The following LAMA2 variants were observed in gnomAD, a reference collection of about 807,000 sequenced individuals.
The protein encoded by LAMA2 is laminin subunit alpha-2.
A neutral mutation model predicts 364.8 loss-of-function variants in LAMA2; 269 were observed. That is an observed-to-expected ratio of 0.74 (90% CI 0.67 to 0.82). The LOEUF is 0.82. Among genes scored for constraint, LAMA2 ranks in the 40% least tolerant of loss-of-function variants. LAMA2 has a pLI of 0.00. For missense variants in LAMA2, 3,807 were observed against 3,873.2 expected (o/e 0.98, Z 0.45); for synonymous variants, 1,379 against 1,370.6 (o/e 1.01, Z -0.14).
intron 61 of LAMA2, 49 bp from the exon 62 acceptor site, chr6:129,507,440 A>G: frequency 6.2e-7 from 1 of 1,603,234 alleles, no homozygotes; most frequent in Non-Finnish European, 8.5e-7. Flanking sequence ...ACATAAAGGC[A>G]AAGTTCTGCT....
chr6:129,122,549 A>G (rs1360995444), intron 4 of LAMA2, among the ~76,000 whole-genome samples: 1 of 152,204 alleles, frequency 6.6e-6, no homozygotes, highest in Admixed American at 6.5e-5. Context: ...AGGATTACAT[A>G]TGAAGTTTAC....
In LAMA2 at chr6:128,908,885, C is replaced by T. The variant is rs1203094296; in HGVS notation, c.112+25528C>T. ...AACATCTTTATTTCTGCCTTCATTT[C>T]GTTATGTACCCAGTAGTCATTCAGG... On this transcript the variant is annotated intron_variant, in intron 1 of 64. Coordinates refer to ENST00000421865, the MANE Select transcript of LAMA2 (RefSeq NM_000426.4). Among the ~76,000 whole-genome samples the T allele has an allele frequency of 1.8e-3, 269 of 147,908 alleles. 2 individuals are homozygous for T. Among genetic ancestry groups the T allele is most frequent in the Admixed American group, 0.014 (206 of 15,048 alleles).
intron 1 of LAMA2, among the ~76,000 whole-genome samples, chr6:129,040,288 A>G (rs986886449): frequency 6.6e-6 from 1 of 152,246 alleles, no homozygotes; most frequent in Non-Finnish European, 1.5e-5. Context: ...AATAATGGAG[A>G]TGAGTATGTG....
intron 54 of LAMA2, 72 bp downstream of exon 54, chr6:129,478,885 C>A (rs1562601274): frequency 7.7e-7 from 1 of 1,305,940 alleles, no homozygotes; most frequent in Non-Finnish European, 1.1e-6. Context: ...GCTGCTCCTA[C>A]AAGGATCAGT....
chr6:128,983,550 T>C (rs1002329732), intron 1 of LAMA2, among the ~76,000 whole-genome samples: 4 of 152,166 alleles, frequency 2.6e-5, no homozygotes, highest in African/African-American at 9.7e-5. Context: ...GTATTCTAGA[T>C]GCATAGTCAG....
intron 34 of LAMA2, among the ~76,000 whole-genome samples, chr6:129,371,161 A>G (rs1482467996): frequency 6.6e-6 from 1 of 152,130 alleles, no homozygotes; most frequent in Non-Finnish European, 1.5e-5. Context: ...AGCACACATA[A>G]ATGTTCATAA....
intron 1 of LAMA2, among the ~76,000 whole-genome samples, chr6:128,939,262 T>A (rs1365596682): frequency 6.6e-6 from 1 of 152,148 alleles, no homozygotes; most frequent in Non-Finnish European, 1.5e-5. Context: ...TTTTTTGTTC[T>A]TGTGTCCATG....
chr6:129,387,077 A>G (rs1445824626), intron 35 of LAMA2, among the ~76,000 whole-genome samples: 3 of 151,260 alleles, frequency 2.0e-5, no homozygotes, highest in African/African-American at 7.3e-5. Context: ...CTCATGACTG[A>G]GCTGCACAGT....
chr6:129,108,138 A>G (rs1775938021), intron 4 of LAMA2, among the ~76,000 whole-genome samples: 1 of 151,792 alleles, frequency 6.6e-6, no homozygotes, highest in African/African-American at 2.4e-5. Context: ...TCATTTTTTA[A>G]TCTTTTTAAT....
chr6:128,897,671 C>A (rs974726472), intron 1 of LAMA2, among the ~76,000 whole-genome samples: 4 of 152,270 alleles, frequency 2.6e-5, no homozygotes, highest in African/African-American at 9.6e-5. Flanking sequence ...TATAGCTTTT[C>A]TTCACATAAG....
At chr6:129,020,102 G>GAAAAAAAAA (rs57907508) in intron 1 of LAMA2, among the ~76,000 whole-genome samples, 6 of 134,204 alleles carry the variant, frequency 4.5e-5, no homozygotes, top group Admixed American at 7.4e-5. Context: ...GAAAAAAAAA[G>GAAAAAAAAA]AAAAAAAAAA....
chr6:129,196,271 G>T (rs138039628), intron 12 of LAMA2, among the ~76,000 whole-genome samples: 121 of 152,130 alleles, frequency 8.0e-4, no homozygotes, highest in African/African-American at 2.9e-3. Flanking sequence ...TTGTTTTGTT[G>T]TTCTTGCTTG....
intron 8 of LAMA2, among the ~76,000 whole-genome samples, chr6:129,156,427 C>G (rs993392146): frequency 6.6e-6 from 1 of 151,226 alleles, no homozygotes; most frequent in Non-Finnish European, 1.5e-5. Context: ...CTTTGCATGA[C>G]TGTAAAAAAA....
At chr6:129,059,988 C>T (rs1788785784) in intron 3 of LAMA2, 92 bp downstream of exon 3, 3 of 745,238 alleles carry the variant, frequency 4.0e-6, no homozygotes, top group Admixed American at 2.0e-5. Flanking sequence ...TGAAAGGATA[C>T]TCTTTCTTAT....
At chr6:129,321,206 T>C (rs1329765224) in intron 28 of LAMA2, among the ~76,000 whole-genome samples, 1 of 152,188 alleles carries the variant, frequency 6.6e-6, no homozygotes, top group African/African-American at 2.4e-5. Context: ...GCTGAGATAT[T>C]CTCTTGTCTG....
At chr6:129,352,895 C>A (rs1179968842) in intron 31 of LAMA2, among the ~76,000 whole-genome samples, 3 of 151,366 alleles carry the variant, frequency 2.0e-5, no homozygotes, top group African/African-American at 7.3e-5. Flanking sequence ...AGTAATTTAA[C>A]ATTATTATTA....
intron 3 of LAMA2, among the ~76,000 whole-genome samples, chr6:129,092,718 T>A (rs1774918415): frequency 6.6e-6 from 1 of 152,188 alleles, no homozygotes; most frequent in Admixed American, 6.5e-5. Flanking sequence ...CACATGCTGT[T>A]CTCTTGAGAG....
Position 129,270,718 on chromosome 6 carries a change from C to T in LAMA2, c.2417C>T (p.Pro806Leu). ...PTKGTSEDCQ[P>L]CACPLNIPSN... ...AAAGGAACCTCTGAAGACTGTCAAC[C>T]CTGTGCCTGTCCACTCAATATCCCA... is the stretch of plus-strand genomic sequence containing the variant. The change falls in exon 17 of 65, where the codon CCC becomes CTC. Residue 806 changes from proline (P) to leucine (L), a missense_variant. This residue lies in a region of LAMA2 where 3,333 missense variants were observed against 3,345.7 expected (regional missense o/e 1.00). Coordinates refer to ENST00000421865, the MANE Select transcript of LAMA2 (RefSeq NM_000426.4). 6.2e-7 allele frequency: 1 copy of T among 1,613,164 alleles called. No homozygotes were observed. Among genetic ancestry groups the T allele is most frequent in the African/African-American group, 1.3e-5 (1 of 74,960 alleles).
At chr6:128,927,753 G>A (rs7738059) in intron 1 of LAMA2, among the ~76,000 whole-genome samples, 8,801 of 151,224 alleles carry the variant, frequency 0.058, 739 homozygotes, top group African/African-American at 0.18. Context: ...ATTCTATTTC[G>A]TTTTTTGTCA....
Sources: gnomAD v4.1 joint callset for allele counts (sites outside exome capture counted in the v4.1 genomes callset) on GRCh38, gnomAD v4.1.1 for gene constraint, gnomAD v4.1.1 regional missense constraint, MANE v1.5 for transcripts, NCBI Gene and HGNC (gene_info 2026-07-23, HGNC 2026-07-21) for gene names.